ABCB5: variants seen among roughly 807,000 people sequenced by gnomAD.
ABCB5 encodes ATP binding cassette subfamily B member 5.
Under a neutral mutation model 144.2 loss-of-function variants are expected in ABCB5, and 155 were observed. The observed-to-expected ratio is 1.08, with a 90% CI of 0.94 to 1.23. The LOEUF is 1.23. Ranked by LOEUF, ABCB5 falls within the 50% of genes most tolerant of loss-of-function variation. ABCB5 has a pLI of 0.00. For synonymous variants in ABCB5, 610 were observed against 528.6 expected, an observed-to-expected ratio of 1.15 and a Z score of -2.11; for missense variants, 1,830 against 1,520.8, an observed-to-expected ratio of 1.20 and a Z score of -3.38.
At position 20,739,117 on chromosome 7, in the gene ABCB5, G is replaced by A. The variant is rs528761902; in HGVS notation, c.3002G>A (p.Arg1001His). 1.0e-5 allele frequency: 16 copies of A among 1,604,700 alleles called. No individual in the cohort carries two copies. Among genetic ancestry groups the A allele is most frequent in the African/African-American group, 8.0e-5 (6 of 74,576 alleles). Residue 1001 changes from arginine to histidine, a missense_variant, in exon 24 of 28, where the codon CGC (arginine) becomes CAC (histidine). Transcript: ENST00000404938. ...GAAAAGAAACCAAATATAGACAGCC[G>A]CAGTCAAGAAGGGAAAAAGCCAGTA... is the stretch of plus-strand genomic sequence containing the variant. ...LLEKKPNIDSRSQEGKKPDTC... is the reference protein window; with the variant it reads ...LLEKKPNIDSHSQEGKKPDTC...
chr7:20,615,927 TG>T (rs1486417719), intron 1 of ABCB5, 90 bp downstream of exon 1: 13 of 152,306 alleles, frequency 8.5e-5, no homozygotes, highest in Admixed American at 8.5e-4. Context: ...AAGAATAGTT[TG>T]TGGTAAAGAT....
intron 20 of ABCB5, among the ~76,000 whole-genome samples, chr7:20,714,775 C>T (rs915755806): frequency 1.3e-5 from 2 of 152,102 alleles, no homozygotes; most frequent in African/African-American, 4.8e-5. Flanking sequence ...CAAGCCACTT[C>T]GTAGAAAGTT....
chr7:20,683,902 G>A lies in ABCB5; in HGVS notation c.1870-1794G>A, dbSNP rs911639585. Among the ~76,000 whole-genome samples, 55 of 151,994 alleles carry A rather than the reference G, an allele frequency of 3.6e-4. 1 individual carries two copies. Among genetic ancestry groups the A allele is most frequent in the Admixed American group, 2.0e-4 (3 of 15,252 alleles). ...CAGTTAATGCTGCTAAAATAATCCC[G>A]AGAAGCAATATAGCAATGTGGTTAA... On this transcript the variant is annotated intron_variant, in intron 15 of 27. Transcript: ENST00000404938.
chr7:20,706,483 A>G (rs1302375489), intron 20 of ABCB5, among the ~76,000 whole-genome samples: 13 of 152,224 alleles, frequency 8.5e-5, no homozygotes, highest in Admixed American at 8.5e-4. Flanking sequence ...TTACTAATAA[A>G]TAGTATTGTC....
intron 1 of ABCB5, among the ~76,000 whole-genome samples, chr7:20,618,993 T>G (rs1783750875): frequency 6.6e-6 from 1 of 151,940 alleles, no homozygotes; most frequent in African/African-American, 2.4e-5. Flanking sequence ...CAGGCTGCTC[T>G]CAAACTCCTG....
intron 14 of ABCB5, among the ~76,000 whole-genome samples, chr7:20,676,167 T>TACACACACACAC (rs60855145): frequency 1.6e-5 from 2 of 124,524 alleles, no homozygotes; most frequent in South Asian, 4.8e-4. Context: ...CTACTACACA[T>TACACACACACAC]ACACACACAC....
At chr7:20,704,985 G>A (rs1008790811) in intron 20 of ABCB5, among the ~76,000 whole-genome samples, 178 bp downstream of exon 20, 1 of 152,112 alleles carries the variant, frequency 6.6e-6, no homozygotes, top group East Asian at 1.9e-4. Context: ...AAGACTTTCC[G>A]TTCTGGATAT....
intron 9 of ABCB5, 89 bp from the exon 10 acceptor site, chr7:20,647,446 T>G: frequency 7.0e-7 from 1 of 1,433,360 alleles, no homozygotes; most frequent in Non-Finnish European, 9.1e-7. Flanking sequence ...TATCTCTCTG[T>G]GAGCCTAAAC....
intron 4 of ABCB5, among the ~76,000 whole-genome samples, chr7:20,630,378 G>C (rs553087355): frequency 6.7e-6 from 1 of 150,162 alleles, no homozygotes; most frequent in Non-Finnish European, 1.5e-5. Context: ...TTTCCAAAAA[G>C]CAAATCTTTA....
intron 16 of ABCB5, among the ~76,000 whole-genome samples, chr7:20,691,370 G>A (rs1786223393): frequency 6.6e-6 from 1 of 151,566 alleles, no homozygotes; most frequent in African/African-American, 2.4e-5. Flanking sequence ...CCGGAGAGGA[G>A]AGAACTTCTC....
In ABCB5 at chr7:20,720,532, C is replaced by A. The variant is rs200496018; in HGVS notation, c.2422-2484C>A. ...CAATGAGAAGAACACAGCATCACTT[C>A]TCTAAGATGCATAATTTGAATCTAA... On this transcript the variant is annotated intron_variant, in intron 20 of 27. Transcript: ENST00000404938. Among the ~76,000 whole-genome samples the A allele has an allele frequency of 4.9e-5, 3 of 60,848 alleles. No homozygotes were observed. In the East Asian group the frequency reaches 6.6e-3, roughly 134 times the overall value. The allele number at this position is 60,848 out of a possible 152,430, so 39.9% of individuals were successfully genotyped here.
chr7:20,619,076 C>T (rs1364146139), intron 1 of ABCB5, among the ~76,000 whole-genome samples: 2 of 152,008 alleles, frequency 1.3e-5, no homozygotes, highest in Non-Finnish European at 1.5e-5. Context: ...TGCCCAGCCA[C>T]GTACCACATT....
intron 15 of ABCB5, among the ~76,000 whole-genome samples, chr7:20,685,478 AAAAG>A (rs1296605038): frequency 6.6e-6 from 1 of 152,196 alleles, no homozygotes; most frequent in African/African-American, 2.4e-5. Flanking sequence ...ATGTCTTTGG[AAAAG>A]AAAGGACAAT....
In ABCB5 at chr7:20,708,052, G is replaced by A. The variant is rs899187212; in HGVS notation, c.2421+3245G>A. Among the ~76,000 whole-genome samples the A allele has an allele frequency of 1.8e-4, 28 of 151,834 alleles. 1 individual carries two copies. The highest frequency in any genetic ancestry group is 1.6e-3 in the Admixed American group (25 of 15,242). Reference sequence around the variant, plus strand: ...GATCTCCTGACCTCGTGATCCGCCCGCCTCGGCCTCCCAAAGTGCTGGATT... The same window carrying A: ...GATCTCCTGACCTCGTGATCCGCCCACCTCGGCCTCCCAAAGTGCTGGATT... On this transcript the variant is annotated intron_variant, in intron 20 of 27. Transcript: ENST00000404938.
At chr7:20,675,835 T>C (rs1785583707) in intron 14 of ABCB5, among the ~76,000 whole-genome samples, 1 of 151,602 alleles carries the variant, frequency 6.6e-6, no homozygotes, top group Non-Finnish European at 1.5e-5. Context: ...AAAGAATAAA[T>C]AACCTGATTT....
intron 19 of ABCB5, among the ~76,000 whole-genome samples, chr7:20,701,932 A>C (rs1583435865): frequency 6.6e-6 from 1 of 152,308 alleles, no homozygotes; most frequent in East Asian, 1.9e-4. Context: ...TGTCTATAGT[A>C]AGGGAAGCCC....
At chr7:20,755,254 T>G (rs1783052147) in intron 27 of ABCB5, among the ~76,000 whole-genome samples, 173 bp from the exon 28 acceptor site, 1 of 152,202 alleles carries the variant, frequency 6.6e-6, no homozygotes, top group African/African-American at 2.4e-5. Flanking sequence ...CAGCTGTAGT[T>G]AATATTTCTA....
intron 16 of ABCB5, among the ~76,000 whole-genome samples, chr7:20,689,862 A>T (rs1786153782): frequency 6.6e-6 from 1 of 152,204 alleles, no homozygotes; most frequent in Non-Finnish European, 1.5e-5. Context: ...GTCAATAACC[A>T]GGACAGGGGT....
chr7:20,720,535 T>A (rs75978212), intron 20 of ABCB5, among the ~76,000 whole-genome samples: 1 of 151,710 alleles, frequency 6.6e-6, no homozygotes, highest in Non-Finnish European at 1.5e-5. Context: ...ATCACTTCTC[T>A]AAGATGCATA....
Sources: allele counts gnomAD v4.1 joint callset (sites outside exome capture counted in the v4.1 genomes callset), GRCh38; gene constraint gnomAD v4.1.1; transcripts MANE v1.5; gene names NCBI Gene and HGNC (gene_info 2026-07-23, HGNC 2026-07-21).